STPG4: variants seen among roughly 807,000 people sequenced by gnomAD.
STPG4 encodes protein STPG4.
A neutral mutation model predicts 31.5 loss-of-function variants in STPG4; 41 were observed. The observed-to-expected ratio is 1.30, with a 90% CI of 1.01 to 1.69. The LOEUF is 1.69. Ranked by LOEUF, STPG4 falls within the 40% of genes most tolerant of loss-of-function variation. The pLI, the probability that STPG4 is intolerant of heterozygous loss-of-function variation, is 0.00. For missense variants in STPG4, 375 were observed against 293.4 expected, an observed-to-expected ratio of 1.28 and a Z score of -2.03; for synonymous variants, 141 against 103.0, an observed-to-expected ratio of 1.37 and a Z score of -2.24.
Position 47,106,682 on chromosome 2 carries a change from G to A in STPG4, c.520-16308C>T, listed in dbSNP as rs6724318. The stretch of plus-strand genomic sequence containing the variant: ...TCAAGGATAGTATGAGATACCGCCC[G>A]GCGTTTACAGGAAAACGCTTCTGAA... On this transcript the variant is annotated intron_variant, in intron 5 of 6. Transcript: ENST00000445927. 5.2e-3 allele frequency among the ~76,000 whole-genome samples: 783 copies of A among 151,860 alleles called. 24 individuals are homozygous for A. Among genetic ancestry groups the A allele is most frequent in the African/African-American group, 0.018 (736 of 41,266 alleles).
chr2:47,092,392 G>A lies in STPG4; in HGVS notation c.520-2018C>T, dbSNP rs557731507. ...AAAATATAAAAATTAGCCAGTTGTG[G>A]GGGTGTGTTCCTGTGGTCCCAGCTA... On this transcript the variant is annotated intron_variant, in intron 5 of 6. Coordinates refer to ENST00000445927, the MANE Select transcript of STPG4 (RefSeq NM_001163561.2). Among the ~76,000 whole-genome samples the A allele has an allele frequency of 2.7e-5, 4 of 150,828 alleles. No individual in the cohort carries two copies. In the South Asian group the frequency reaches 8.5e-4, roughly 32 times the overall value.
chr2:47,144,976 C>T lies in STPG4; in HGVS notation c.399+6282G>A, dbSNP rs545736244. On this transcript the variant is annotated intron_variant, in intron 3 of 6. Transcript: ENST00000445927. ...TGATCTCTTGACCTCGTGATCCGCC[C>T]GCCTTGGCCTCCCAAAGTGCTGGGA... is the stretch of plus-strand genomic sequence containing the variant. Among the ~76,000 whole-genome samples, 19 of 152,308 alleles carry T rather than the reference C, an allele frequency of 1.2e-4. No homozygotes were observed. In the East Asian group the frequency reaches 2.5e-3, roughly 20 times the overall value.
At chr2:47,137,756 G>A (rs1686624882) in intron 3 of STPG4, among the ~76,000 whole-genome samples, 1 of 152,042 alleles carries the variant, frequency 6.6e-6, no homozygotes, top group South Asian at 2.1e-4. Context: ...CAAATTTGTG[G>A]AAATAGGGTT....
At chr2:47,140,282 G>A (rs908985756) in intron 3 of STPG4, among the ~76,000 whole-genome samples, 1 of 152,268 alleles carries the variant, frequency 6.6e-6, no homozygotes, top group Middle Eastern at 3.4e-3. Flanking sequence ...CTGAGGGCAG[G>A]CCTTGTTAGT....
chr2:47,136,898 T>C (rs1040860122), intron 3 of STPG4, among the ~76,000 whole-genome samples: 34 of 152,362 alleles, frequency 2.2e-4, no homozygotes, highest in Non-Finnish European at 1.2e-4. Context: ...GTTGATTCTT[T>C]TGGATTTTCT....
At chr2:47,101,185 G>C (rs559874768) in intron 5 of STPG4, among the ~76,000 whole-genome samples, 1 of 151,912 alleles carries the variant, frequency 6.6e-6, no homozygotes, top group South Asian at 2.1e-4. Context: ...AAAGTGACTA[G>C]TGCGGACACC....
At chr2:47,126,447 T>G (rs781078158) in intron 5 of STPG4, among the ~76,000 whole-genome samples, 1 of 152,102 alleles carries the variant, frequency 6.6e-6, no homozygotes, top group African/African-American at 2.4e-5. Flanking sequence ...CACCTTAGCC[T>G]CGCTGAGTAA....
chr2:47,137,483 C>A (rs35206348), intron 3 of STPG4, among the ~76,000 whole-genome samples: 3,318 of 152,278 alleles, frequency 0.022, 43 homozygotes, highest in African/African-American at 0.033. Context: ...TATGATGACA[C>A]TGGCCTAATA....
At chr2:47,154,141 A>G (rs537333368) in intron 1 of STPG4, among the ~76,000 whole-genome samples, 1 of 152,390 alleles carries the variant, frequency 6.6e-6, no homozygotes, top group Admixed American at 6.5e-5. Context: ...TAAAACTGAT[A>G]TAATTCATTC....
chr2:47,097,099 A>C (rs1211495341), intron 5 of STPG4, among the ~76,000 whole-genome samples: 1 of 152,264 alleles, frequency 6.6e-6, no homozygotes, highest in Non-Finnish European at 1.5e-5. Flanking sequence ...GCAGGTAGAG[A>C]CTGGCGGAGT....
At chr2:47,133,594 T>TTTTTTA (rs1686534065) in intron 3 of STPG4, among the ~76,000 whole-genome samples, 1 of 145,306 alleles carries the variant, frequency 6.9e-6, no homozygotes, top group East Asian at 2.0e-4. Flanking sequence ...TTTTTTTTTT[T>TTTTTTA]GAGACTGAGT....
rs113421045 is a variant in STPG4 at position 47,138,460 on chromosome 2, C to T, written c.400-8200G>A. Among the ~76,000 whole-genome samples, 151 of 149,214 alleles carry T rather than the reference C, an allele frequency of 1.0e-3. 2 individuals carry two copies. Among genetic ancestry groups the T allele is most frequent in the African/African-American group, 3.0e-3 (122 of 40,424 alleles). Reference sequence around the variant, plus strand: ...AGGCTATAGTGCAGTGGTGTGATCTCGGCTCACTGCAACCTCCACCTCCTG... The same window carrying T: ...AGGCTATAGTGCAGTGGTGTGATCTTGGCTCACTGCAACCTCCACCTCCTG... On this transcript the variant is annotated intron_variant, in intron 3 of 6. Transcript: ENST00000445927.
chr2:47,129,566 C>A (rs925568051), intron 5 of STPG4: 2 of 205,648 alleles, frequency 9.7e-6, no homozygotes, highest in African/African-American at 2.4e-5. Flanking sequence ...ACAGGCAGCA[C>A]GGTGTTCCCG....
intron 5 of STPG4, among the ~76,000 whole-genome samples, chr2:47,099,474 C>T (rs1191516618): frequency 6.6e-6 from 1 of 152,274 alleles, no homozygotes. Context: ...GGAGAAGCAA[C>T]TTCAGACAAG....
intron 5 of STPG4, among the ~76,000 whole-genome samples, chr2:47,123,070 C>A (rs1253008565): frequency 6.6e-6 from 1 of 152,200 alleles, no homozygotes; most frequent in Non-Finnish European, 1.5e-5. Flanking sequence ...AAATGATGCG[C>A]CTGCCTCAGC....
Position 47,090,375 on chromosome 2 carries a change from C to A in STPG4, c.520-1G>T. ...AATGACCTGGACCAGGGCCTTCATG[C>A]TATTGAACATTTAAAAAATTGCTTC... On this transcript the variant is annotated splice_acceptor_variant, in intron 5 of 6. Coordinates refer to ENST00000445927, the MANE Select transcript of STPG4 (RefSeq NM_001163561.2). LOFTEE classifies it high-confidence loss of function. 1 of 1,540,788 alleles carries A rather than the reference C, an allele frequency of 6.5e-7. No homozygotes were observed. The highest frequency in any genetic ancestry group is 8.8e-7 in the Non-Finnish European group (1 of 1,137,902).
intron 5 of STPG4, among the ~76,000 whole-genome samples, chr2:47,115,812 A>T (rs975936046): frequency 6.6e-6 from 1 of 151,952 alleles, no homozygotes; most frequent in African/African-American, 2.4e-5. Flanking sequence ...GCTGCCATGC[A>T]CGACTAATTT....
At chr2:47,092,534 G>GAAAAGAAAA (rs1553422719) in intron 5 of STPG4, among the ~76,000 whole-genome samples, 1 of 10,062 alleles carries the variant, frequency 9.9e-5, no homozygotes, top group East Asian at 1.8e-3. Flanking sequence ...GAAAAGAAAA[G>GAAAAGAAAA]GGGAGGGGAG....
chr2:47,124,413 C>T (rs1230797631), intron 5 of STPG4, among the ~76,000 whole-genome samples: 1 of 152,104 alleles, frequency 6.6e-6, no homozygotes, highest in East Asian at 1.9e-4. Flanking sequence ...CTTTCTCCAT[C>T]CTCCACTACC....
Sources: gnomAD v4.1 joint callset for allele counts (sites outside exome capture counted in the v4.1 genomes callset) on GRCh38, gnomAD v4.1.1 for gene constraint, MANE v1.5 for transcripts, NCBI Gene and HGNC (gene_info 2026-07-23, HGNC 2026-07-21) for gene names.